ARL8B: variants seen among roughly 807,000 people sequenced by gnomAD.
ARL8B encodes the protein ADP-ribosylation factor-like protein 8B.
ARL8B carries 9 observed loss-of-function variants against 30.6 expected under a neutral mutation model. The ratio of observed to expected loss-of-function variants is 0.29; its 90% CI spans 0.18 to 0.51. The LOEUF (loss-of-function observed/expected upper bound fraction) is 0.51, where lower values mean the gene tolerates loss of function less well. Among genes scored for constraint, ARL8B ranks in the 20% least tolerant of loss-of-function variants. The probability of loss-of-function intolerance (pLI) is 0.97; values close to 1 mark genes in which losing one functional copy is unlikely to be tolerated. For missense variants in ARL8B, 130 were observed against 227.2 expected (o/e 0.57, Z 2.75); for synonymous variants, 74 against 76.0 (o/e 0.97, Z 0.14).
chr3:5,139,844 A>G (rs922050981), intron 1 of ARL8B, among the ~76,000 whole-genome samples: 3 of 152,188 alleles, frequency 2.0e-5, no homozygotes, highest in Non-Finnish European at 4.4e-5. Flanking sequence ...AGTCAGTTCA[A>G]TTCCTGCAGG....
chr3:5,135,940 C>T (rs1289604579), intron 1 of ARL8B, among the ~76,000 whole-genome samples: 1 of 151,382 alleles, frequency 6.6e-6, no homozygotes, highest in Non-Finnish European at 1.5e-5. Context: ...GCACATGCTG[C>T]CCCGCGTGGC....
intron 1 of ARL8B, among the ~76,000 whole-genome samples, chr3:5,137,843 C>T (rs538084873): frequency 9.9e-5 from 15 of 152,182 alleles, no homozygotes; most frequent in Non-Finnish European, 2.9e-5. Flanking sequence ...CCACCTCAGC[C>T]TCCCAAAGTG....
intron 1 of ARL8B, chr3:5,156,989 T>G (rs1220901744): frequency 6.6e-6 from 1 of 152,290 alleles, no homozygotes; most frequent in Non-Finnish European, 1.5e-5. Context: ...TTTGGATACT[T>G]CGAGTACTGC....
At chr3:5,145,018 A>G (rs1271241053) in intron 1 of ARL8B, among the ~76,000 whole-genome samples, 1 of 152,212 alleles carries the variant, frequency 6.6e-6, no homozygotes, top group Non-Finnish European at 1.5e-5. Flanking sequence ...CCAACCAACC[A>G]TTAGGTAATC....
intron 6 of ARL8B, among the ~76,000 whole-genome samples, chr3:5,176,836 TG>T (rs1449955808): frequency 7.2e-5 from 11 of 152,206 alleles, no homozygotes; most frequent in Non-Finnish European, 1.2e-4. Context: ...TGGTTCTCAA[TG>T]GGGAGCTTTT....
At chr3:5,138,525 C>G (rs183512578) in intron 1 of ARL8B, among the ~76,000 whole-genome samples, 5 of 152,198 alleles carry the variant, frequency 3.3e-5, no homozygotes, top group Non-Finnish European at 7.4e-5. Context: ...TAATGCTGAG[C>G]TATTATCATT....
intron 1 of ARL8B, among the ~76,000 whole-genome samples, chr3:5,130,733 G>A (rs1005365972): frequency 6.6e-5 from 10 of 151,512 alleles, no homozygotes; most frequent in South Asian, 2.1e-4. Context: ...ATGGGGTTTC[G>A]CTACGTTGGC....
At chr3:5,158,230 C>T (rs1282572139) in intron 1 of ARL8B, among the ~76,000 whole-genome samples, 1 of 152,184 alleles carries the variant, frequency 6.6e-6, no homozygotes, top group Non-Finnish European at 1.5e-5. Flanking sequence ...GTAATCTTCC[C>T]ACCTTGGCCT....
Position 5,178,769 on chromosome 3 carries a change from G to A in ARL8B, c.*56G>A, listed in dbSNP as rs115131604. On this transcript the variant is annotated 3_prime_UTR_variant, in exon 7 of 7. Transcript: ENST00000256496. ...GGCTATAATCCTAGAATTATTGTCC[G>A]TTCCTCTGAAGTAATTCCCAGAATA... 1.3e-3 allele frequency: 2,084 copies of A among 1,607,838 alleles called. 26 individuals are homozygous for A. In the African/African-American group the frequency reaches 0.025, roughly 19 times the overall value.
At chr3:5,138,109 T>A (rs1324990396) in intron 1 of ARL8B, among the ~76,000 whole-genome samples, 4 of 151,930 alleles carry the variant, frequency 2.6e-5, no homozygotes, top group African/African-American at 9.7e-5. Context: ...ATTTACTGGT[T>A]TATTTGGGTT....
In ARL8B at chr3:5,178,836, A is replaced by T; in HGVS notation, c.*123A>T. 6.6e-7 allele frequency: 1 copy of T among 1,513,562 alleles called. No individual in the cohort carries two copies. The highest frequency in any genetic ancestry group is 8.9e-7 in the Non-Finnish European group (1 of 1,125,754). The allele number at this position is 1,513,562 out of a possible 1,614,324, so 93.8% of individuals were successfully genotyped here. ...CCAGAAATTGCCTTTTTCAGAGTTT[A>T]TTTCTCATGTGCACTGCTGAAGATG... On this transcript the variant is annotated 3_prime_UTR_variant, in exon 7 of 7. Transcript: ENST00000256496.
intron 1 of ARL8B, among the ~76,000 whole-genome samples, chr3:5,161,588 C>G (rs1042454688): frequency 3.3e-5 from 5 of 152,178 alleles, no homozygotes; most frequent in African/African-American, 1.2e-4. Flanking sequence ...AGTATAGGCA[C>G]TTAGGAGAAG....
chr3:5,126,390 A>G (rs1192052380), intron 1 of ARL8B, among the ~76,000 whole-genome samples: 2 of 152,224 alleles, frequency 1.3e-5, no homozygotes, highest in East Asian at 3.8e-4. Context: ...ACTTATTCAC[A>G]TTTAAGAAGC....
At chr3:5,173,959 A>C in intron 4 of ARL8B, 58 bp from the exon 5 acceptor site, 1 of 1,268,454 alleles carries the variant, frequency 7.9e-7, no homozygotes, top group South Asian at 1.2e-5. Flanking sequence ...CAAGATGATA[A>C]ACTTCTGTGA....
At chr3:5,174,817 T>G (rs1177617151) in intron 6 of ARL8B, among the ~76,000 whole-genome samples, 1 of 148,152 alleles carries the variant, frequency 6.7e-6, no homozygotes, top group Non-Finnish European at 1.5e-5. Context: ...TGTATATGTA[T>G]TTTTTGAGAC....
At chr3:5,149,776 G>A (rs1443233126) in intron 1 of ARL8B, among the ~76,000 whole-genome samples, 3 of 152,124 alleles carry the variant, frequency 2.0e-5, no homozygotes, top group African/African-American at 7.2e-5. Flanking sequence ...CAGTCCTTAG[G>A]TTTATTATGA....
chr3:5,166,280 C>T (rs992501885), intron 1 of ARL8B, among the ~76,000 whole-genome samples: 19 of 151,696 alleles, frequency 1.3e-4, no homozygotes, highest in African/African-American at 4.6e-4. Context: ...CCTCGTGATC[C>T]ACCCACCTCG....
intron 1 of ARL8B, among the ~76,000 whole-genome samples, chr3:5,132,673 A>G (rs2054293512): frequency 6.6e-6 from 1 of 152,230 alleles, no homozygotes; most frequent in Non-Finnish European, 1.5e-5. Context: ...CTGCCACATG[A>G]CAAGCTCTTT....
Position 5,159,602 on chromosome 3 carries a change from C to CAA in ARL8B, c.124-10879_124-10878dup, listed in dbSNP as rs71053495. Among the ~76,000 whole-genome samples, 607 of 73,712 alleles carry CAA rather than the reference C, an allele frequency of 8.2e-3. 1 individual carries two copies. Among genetic ancestry groups the CAA allele is most frequent in the Non-Finnish European group, 0.01 (378 of 36,506 alleles). 48.4% of individuals were successfully genotyped at this position (73,712 alleles called of 152,430 possible). On this transcript the variant is annotated intron_variant, in intron 1 of 6. Transcript: ENST00000256496. Reference sequence around the variant, plus strand: ...GGGCAACAAGAATGAAACTCCGTCTCAAAAAAAAAAAAAAAAAAAAAAAGA... The same window carrying CAA: ...GGGCAACAAGAATGAAACTCCGTCTCAAAAAAAAAAAAAAAAAAAAAAAAAGA...
Sources: gnomAD v4.1 joint callset for allele counts (sites outside exome capture counted in the v4.1 genomes callset) on GRCh38, gnomAD v4.1.1 for gene constraint, MANE v1.5 for transcripts, NCBI Gene and HGNC (gene_info 2026-07-23, HGNC 2026-07-21) for gene names.